Variants in PLS3 observed in about 807,000 individuals in gnomAD.
PLS3 encodes plastin 3.
A neutral mutation model predicts 46.5 loss-of-function variants in PLS3; 11 were observed. That is an observed-to-expected ratio of 0.24 (90% CI 0.15 to 0.39). PLS3 has a LOEUF of 0.39. PLS3 is among the 10% of genes least tolerant of loss of function. The pLI is 1.00. For missense variants in PLS3, 308 were observed against 461.8 expected, an observed-to-expected ratio of 0.67 and a Z score of 3.05; for synonymous variants, 167 against 162.2, an observed-to-expected ratio of 1.03 and a Z score of -0.22.
At position 115,649,473 on chromosome X, in the gene PLS3, C is replaced by T; in HGVS notation, c.1805C>T (p.Ala602Val). The T allele has an allele frequency of 8.3e-7, 1 of 1,205,047 alleles. No homozygotes were observed. Among genetic ancestry groups the T allele is most frequent in the Non-Finnish European group, 1.1e-6 (1 of 889,817 alleles). ...AGAAGAATCGGAGCCAGAGTGTATG[C>T]TCTCCCTGAAGACCTTGTGGAAGTA... The part of the protein sequence containing the change: ...MARRIGARVY[A>V]LPEDLVEVKP... Residue 602 changes from alanine to valine, a missense_variant, in exon 16 of 16, where the codon GCT becomes GTT. Physicochemically the swap from Ala to Val is moderately conservative, Grantham distance 64. Transcript: ENST00000355899.
intron 1 of PLS3, among the ~76,000 whole-genome samples, chrX:115,597,480 T>C (rs1245195641): frequency 8.9e-6 from 1 of 111,938 alleles, no homozygotes; most frequent in Non-Finnish European, 1.9e-5. Flanking sequence ...GGTAGGCAGC[T>C]ACTTGGAGTT....
rs7879104 is a variant in PLS3, at chrX:115,569,508, G to A, written c.-9+8248G>A. ...ACTCAGAGTTTTACATTTCATTCAGGTTGCTTAAATAATATAACTAAACAT... is the reference window on the plus strand; with the variant it reads ...ACTCAGAGTTTTACATTTCATTCAGATTGCTTAAATAATATAACTAAACAT... On this transcript the variant is annotated intron_variant, in intron 1 of 15. Transcript: ENST00000355899. Among the ~76,000 whole-genome samples the A allele has an allele frequency of 3.8e-3, 427 of 111,658 alleles. 2 individuals carry two copies. Among genetic ancestry groups the A allele is most frequent in the African/African-American group, 0.013 (407 of 30,742 alleles).
At chrX:115,584,081 A>C (rs2074293918) in intron 1 of PLS3, among the ~76,000 whole-genome samples, 1 of 112,163 alleles carries the variant, frequency 8.9e-6, no homozygotes, top group Non-Finnish European at 1.9e-5. Context: ...GCTTTCAGGA[A>C]TGATCGTATC....
At chrX:115,614,729 G>T (rs2074580843) in intron 2 of PLS3, among the ~76,000 whole-genome samples, 1 of 111,949 alleles carries the variant, frequency 8.9e-6, no homozygotes, top group Non-Finnish European at 1.9e-5. Flanking sequence ...AGCTTTCATG[G>T]GCATTCAGGA....
intron 8 of PLS3, among the ~76,000 whole-genome samples, 165 bp downstream of exon 8, chrX:115,637,143 G>A (rs1264827568): frequency 3.6e-5 from 4 of 111,878 alleles, no homozygotes; most frequent in African/African-American, 1.3e-4. Context: ...AGGTACATTA[G>A]CACCTATGTT....
chrX:115,587,231 C>T (rs1199483068), intron 1 of PLS3, among the ~76,000 whole-genome samples: 6 of 112,300 alleles, frequency 5.3e-5, no homozygotes, highest in African/African-American at 1.9e-4. Flanking sequence ...TTACAACATG[C>T]ATTTCATTTA....
At chrX:115,614,558 C>A (rs781836582) in intron 2 of PLS3, 121 of 749,540 alleles carry the variant, frequency 1.6e-4, no homozygotes, top group Non-Finnish European at 1.9e-4. Flanking sequence ...GAAGCAAACC[C>A]CATGTTTAGC....
intron 1 of PLS3, among the ~76,000 whole-genome samples, chrX:115,605,742 G>A (rs1238173043): frequency 9.0e-6 from 1 of 111,585 alleles, no homozygotes; most frequent in African/African-American, 3.3e-5. Flanking sequence ...GGGATTACAG[G>A]CATGAGCCAG....
At position 115,588,174 on chromosome X, in the gene PLS3, A is replaced by G. The variant is rs781923550; in HGVS notation, c.-8-22069A>G. Among the ~76,000 whole-genome samples, 9 of 112,525 alleles carry G rather than the reference A, an allele frequency of 8.0e-5. No individual in the cohort carries two copies. In the South Asian group the frequency reaches 3.3e-3, roughly 42 times the overall value. Reference sequence around the variant, plus strand: ...CAAATAGATTTTGAAAAAATCATTGATATTGTATCAGACTCTACATTGCAA... The same window carrying G: ...CAAATAGATTTTGAAAAAATCATTGGTATTGTATCAGACTCTACATTGCAA... On this transcript the variant is annotated intron_variant, in intron 1 of 15. Coordinates refer to ENST00000355899, the MANE Select transcript of PLS3 (RefSeq NM_005032.7).
At chrX:115,623,645 C>G (rs1169477287) in intron 3 of PLS3, among the ~76,000 whole-genome samples, 9 of 111,860 alleles carry the variant, frequency 8.0e-5, no homozygotes, top group African/African-American at 2.9e-4. Context: ...TTGACTAGAT[C>G]TTACTAGGGA....
At position 115,561,261 on chromosome X, in the gene PLS3, G is replaced by C; in HGVS notation, c.-9+1G>C. The C allele has an allele frequency of 8.9e-6, 1 of 111,930 alleles. No individual in the cohort carries two copies. The highest frequency in any genetic ancestry group is 1.9e-5 in the Non-Finnish European group (1 of 53,254). The allele number at this position is 111,930 out of a possible 1,213,427, so 9.2% of individuals were successfully genotyped here. A position where few individuals can be genotyped will look rare whatever the true frequency, so the allele number is the denominator to read the frequency against. On this transcript the variant is annotated splice_donor_variant, in intron 1 of 15. Transcript: ENST00000355899. LOFTEE classifies it low-confidence loss of function (5UTR_SPLICE). ...CAGACCCAGGACTCTGCGACTTTAC[G>C]TAAGTGCTTTGTAGGCGCCGGCGGG...
At chrX:115,594,687 CA>C (rs1556633594) in intron 1 of PLS3, among the ~76,000 whole-genome samples, 3 of 109,270 alleles carry the variant, frequency 2.7e-5, no homozygotes, top group African/African-American at 1.0e-4. Flanking sequence ...CACACACACA[CA>C]CACCCCACAC....
chrX:115,573,792 G>A (rs925939786), intron 1 of PLS3, among the ~76,000 whole-genome samples: 3 of 110,503 alleles, frequency 2.7e-5, no homozygotes, highest in African/African-American at 9.9e-5. Context: ...CAACCTCCGC[G>A]TCCCAGGTTC....
intron 1 of PLS3, among the ~76,000 whole-genome samples, chrX:115,580,411 G>A (rs2074273371): frequency 8.9e-6 from 1 of 112,135 alleles, no homozygotes; most frequent in Non-Finnish European, 1.9e-5. Context: ...TTTTTGTTTT[G>A]GACTGTGTTT....
chrX:115,635,752 G>A (rs1303690584), intron 7 of PLS3, among the ~76,000 whole-genome samples: 2 of 109,735 alleles, frequency 1.8e-5, no homozygotes, highest in Non-Finnish European at 3.8e-5. Context: ...CACTTTGGGA[G>A]GCCGAGACAG....
Position 115,646,177 on chromosome X carries a change from C to A in PLS3, c.1368C>A (p.Asn456Lys), listed in dbSNP as rs888871793. ...CTCCATACCCGAAACTGGGAGCCAA[C>A]ATGAAAAAGGTAGATAATTAAGTTG... ...NKPPYPKLGA[N>K]MKKLENCNYA... Residue 456 changes from asparagine (N) to lysine (K), a missense_variant, in exon 12 of 16, where the codon AAC becomes AAA. This residue lies in a region of PLS3 where 271 missense variants were observed against 435.7 expected (regional missense o/e 0.62). Coordinates refer to ENST00000355899, the MANE Select transcript of PLS3 (RefSeq NM_005032.7). The A allele has an allele frequency of 1.8e-6, 2 of 1,095,056 alleles. No homozygotes were observed. The highest frequency in any genetic ancestry group is 2.3e-5 in the Admixed American group (1 of 43,306). The allele number at this position is 1,095,056 out of a possible 1,213,427, so 90.2% of individuals were successfully genotyped here.
chrX:115,634,746 TG>T (rs2074812802), intron 6 of PLS3, 134 bp from the exon 7 acceptor site: 6 of 586,399 alleles, frequency 1.0e-5, no homozygotes, highest in Non-Finnish European at 1.5e-5. Flanking sequence ...ATTTGTTTTT[TG>T]TGACACATAT....
intron 1 of PLS3, among the ~76,000 whole-genome samples, chrX:115,579,038 T>TTGATAACAACACACACCTCC (rs1204400069): frequency 9.0e-6 from 1 of 111,570 alleles, no homozygotes; most frequent in African/African-American, 3.3e-5. Context: ...TTATTGTCCT[T>TTGATAACAACACACACCTCC]TGATAACAAC....
intron 1 of PLS3, among the ~76,000 whole-genome samples, chrX:115,604,713 G>A (rs1474271730): frequency 8.9e-6 from 1 of 111,863 alleles, no homozygotes; most frequent in Non-Finnish European, 1.9e-5. Context: ...CATCCGGGAT[G>A]TTTTAGTAAC....
Sources: allele counts gnomAD v4.1 joint callset (sites outside exome capture counted in the v4.1 genomes callset), GRCh38; gene constraint gnomAD v4.1.1; regional missense constraint gnomAD v4.1.1; transcripts MANE v1.5; gene names NCBI Gene and HGNC (gene_info 2026-07-23, HGNC 2026-07-21).